Variants in SPART observed in about 807,000 individuals in gnomAD.
The protein encoded by SPART is spastic paraplegia 20 (Troyer syndrome).
Under a neutral mutation model 58.7 loss-of-function variants are expected in SPART, and 35 were observed. The observed-to-expected ratio is 0.60, with a 90% CI of 0.46 to 0.79. The LOEUF is 0.79. Among genes scored for constraint, SPART ranks in the 30% least tolerant of loss-of-function variants. The probability of loss-of-function intolerance (pLI) is 0.00; values close to 1 mark genes in which losing one functional copy is unlikely to be tolerated. For missense variants in SPART, 730 were observed against 786.1 expected (o/e 0.93, Z 0.85); for synonymous variants, 284 against 280.7 (o/e 1.01, Z -0.12).
At chr13:36,309,597 G>A (rs1346875642) in intron 8 of SPART, among the ~76,000 whole-genome samples, 1 of 152,154 alleles carries the variant, frequency 6.6e-6, no homozygotes, top group Non-Finnish European at 1.5e-5. Flanking sequence ...CATGGATGCA[G>A]CTGGAGGCCA....
At chr13:36,306,480 A>G (rs531604617) in intron 8 of SPART, among the ~76,000 whole-genome samples, 3 of 152,272 alleles carry the variant, frequency 2.0e-5, no homozygotes, top group Non-Finnish European at 2.9e-5. Context: ...ATAACTCAAC[A>G]TAACTCACAA....
At chr13:36,366,946 A>G (rs754722931) in intron 1 of SPART, among the ~76,000 whole-genome samples, 1 of 152,090 alleles carries the variant, frequency 6.6e-6, no homozygotes, top group Non-Finnish European at 1.5e-5. Context: ...CCACACATAG[A>G]CATGCCATTC....
chr13:36,324,771 G>A (rs187598454), intron 5 of SPART, among the ~76,000 whole-genome samples: 101 of 152,312 alleles, frequency 6.6e-4, no homozygotes, highest in African/African-American at 2.3e-3. Context: ...GGCTGAGACC[G>A]AAAAGAGAGT....
At chr13:36,325,801 T>C (rs570114767) in intron 5 of SPART, 2 of 152,222 alleles carry the variant, frequency 1.3e-5, no homozygotes, top group African/African-American at 2.4e-5. Flanking sequence ...CATGTCTGCA[T>C]TGCTGTATAG....
intron 1 of SPART, among the ~76,000 whole-genome samples, chr13:36,360,098 A>G (rs916362835): frequency 2.4e-4 from 36 of 151,608 alleles, no homozygotes; most frequent in African/African-American, 8.5e-4. Flanking sequence ...GATCGAGACC[A>G]TCCTGGCTAA....
chr13:36,329,432 G>A lies in SPART; in HGVS notation c.1094C>T (p.Ser365Phe). Residue 365 changes from serine (S) to phenylalanine (F), a missense_variant, in exon 4 of 9, where the codon TCT becomes TTT. By Grantham distance (155) the Ser-to-Phe change is radical (BLOSUM62 -2). Transcript: ENST00000438666. The part of the protein sequence containing the change: ...RPSSDQLKEA[S>F]GTDVKQLDQG... ...GTCCAACTGTTTCACATCAGTGCCA[G>A]AGGCTTCTTTTAGTTGGTCAGAGGA... 1 of 1,614,164 alleles carries A rather than the reference G, an allele frequency of 6.2e-7. No homozygotes were observed. Among genetic ancestry groups the A allele is most frequent in the Non-Finnish European group, 8.5e-7 (1 of 1,180,012 alleles).
intron 2 of SPART, among the ~76,000 whole-genome samples, chr13:36,331,946 C>T (rs941231136): frequency 6.6e-6 from 1 of 152,182 alleles, no homozygotes; most frequent in African/African-American, 2.4e-5. Flanking sequence ...ATCAGATATT[C>T]CTTTTGTGGT....
chr13:36,317,501 C>T (rs979535356), intron 5 of SPART, among the ~76,000 whole-genome samples: 15 of 131,796 alleles, frequency 1.1e-4, no homozygotes, highest in African/African-American at 3.8e-4. Flanking sequence ...CCTTTATTTC[C>T]GTGCCCCGAC....
chr13:36,309,967 C>T (rs932620603), intron 8 of SPART, among the ~76,000 whole-genome samples: 1 of 152,132 alleles, frequency 6.6e-6, no homozygotes, highest in Admixed American at 6.5e-5. Flanking sequence ...ATGCCCCAGA[C>T]GGAGCAGATC....
chr13:36,330,448 A>G (rs1326911817), intron 3 of SPART, among the ~76,000 whole-genome samples: 2 of 152,068 alleles, frequency 1.3e-5, no homozygotes, highest in African/African-American at 4.8e-5. Flanking sequence ...ACACACACAC[A>G]CACACATCCC....
upstream of SPART, among the ~76,000 whole-genome samples, chr13:36,347,923 C>A (rs1184658535): frequency 1.3e-5 from 2 of 152,130 alleles, no homozygotes; most frequent in African/African-American, 2.4e-5. Flanking sequence ...AATTTTACAT[C>A]ATTTCTTTTC....
chr13:36,319,328 T>C lies in SPART; in HGVS notation c.1289-4907A>G, dbSNP rs1432125906. On this transcript the variant is annotated intron_variant, in intron 5 of 8. Transcript: ENST00000438666. The stretch of plus-strand genomic sequence containing the variant: ...CGTCCCCCTCTTGTATCCCCCCACC[T>C]TAACCCACAAGTATAAGATACCTCT... Among the ~76,000 whole-genome samples, 18 of 148,112 alleles carry C rather than the reference T, an allele frequency of 1.2e-4. No individual in the cohort carries two copies. The East Asian group carries it at 1.6e-3, about 13-fold the overall frequency.
chr13:36,358,022 A>G (rs993958631), intron 1 of SPART, among the ~76,000 whole-genome samples: 1 of 152,216 alleles, frequency 6.6e-6, no homozygotes, highest in African/African-American at 2.4e-5. Flanking sequence ...TGATTGCCCA[A>G]ATGAACTGAT....
chr13:36,337,570 C>G (rs908903331), intron 1 of SPART, among the ~76,000 whole-genome samples: 3 of 152,194 alleles, frequency 2.0e-5, no homozygotes, highest in African/African-American at 4.8e-5. Context: ...CTTTGCTTCC[C>G]CTTCATCTTC....
At chr13:36,358,342 A>G (rs571721201) in intron 1 of SPART, among the ~76,000 whole-genome samples, 19 of 152,280 alleles carry the variant, frequency 1.2e-4, no homozygotes, top group South Asian at 8.3e-4. Flanking sequence ...TCGTAAAGCA[A>G]TACTAACTTG....
chr13:36,333,970 C>T (rs1440257937), intron 2 of SPART, among the ~76,000 whole-genome samples: 2 of 152,132 alleles, frequency 1.3e-5, no homozygotes, highest in Non-Finnish European at 2.9e-5. Flanking sequence ...CTCGAATTGT[C>T]TTTAAACAAC....
intron 4 of SPART, among the ~76,000 whole-genome samples, chr13:36,328,429 T>C (rs1883160027): frequency 6.6e-6 from 1 of 152,174 alleles, no homozygotes; most frequent in South Asian, 2.1e-4. Flanking sequence ...CCAACTCTTC[T>C]TTATCCTTCA....
chr13:36,312,028 A>C (rs965720829), intron 8 of SPART, 117 bp downstream of exon 8: 3 of 885,894 alleles, frequency 3.4e-6, no homozygotes, highest in Non-Finnish European at 3.6e-6. Context: ...TGGAGGTTGC[A>C]GTGACCTAAG....
intron 4 of SPART, among the ~76,000 whole-genome samples, chr13:36,327,987 C>G (rs572193808): frequency 1.3e-5 from 2 of 152,176 alleles, no homozygotes; most frequent in African/African-American, 4.8e-5. Context: ...GAGTGAGACT[C>G]CATCTGCAGG....
Sources: allele counts gnomAD v4.1 joint callset (sites outside exome capture counted in the v4.1 genomes callset), GRCh38; gene constraint gnomAD v4.1.1; transcripts MANE v1.5; gene names NCBI Gene and HGNC (gene_info 2026-07-23, HGNC 2026-07-21).